The following MOK variants were observed in gnomAD, a reference collection of about 807,000 sequenced individuals.
The protein encoded by MOK is MAPK/MAK/MRK overlapping kinase.
A neutral mutation model predicts 54.2 loss-of-function variants in MOK; 59 were observed. That is an observed-to-expected ratio of 1.09 (90% CI 0.88 to 1.35). The LOEUF (loss-of-function observed/expected upper bound fraction) is 1.35, where lower values mean the gene tolerates loss of function less well. MOK is among the 40% of genes most tolerant of loss of function. The pLI is 0.00. For missense variants in MOK, 517 were observed against 526.2 expected, an observed-to-expected ratio of 0.98 and a Z score of 0.17; for synonymous variants, 210 against 202.7, an observed-to-expected ratio of 1.04 and a Z score of -0.31.
intron 7 of MOK, among the ~76,000 whole-genome samples, chr14:102,248,983 T>TGCCTAGTCCCCTCGAC (rs2066315890): frequency 6.6e-6 from 1 of 151,794 alleles, no homozygotes; most frequent in African/African-American, 2.4e-5. Flanking sequence ...CTCTCCATTC[T>TGCCTAGTCCCCTCGAC]GCCTAGTCCC....
At chr14:102,277,822 A>G (rs1417965061) in intron 2 of MOK, among the ~76,000 whole-genome samples, 1 of 152,210 alleles carries the variant, frequency 6.6e-6, no homozygotes. Flanking sequence ...CCATTTGCCA[A>G]AATTGTACAG....
chr14:102,223,590 A>G (rs2153074432), downstream of MOK: 1 of 151,096 alleles, frequency 6.6e-6, no homozygotes, highest in South Asian at 2.1e-4. Flanking sequence ...ATTGGGGAAA[A>G]TAGTTACTTC....
intron 5 of MOK, 35 bp downstream of exon 5, chr14:102,251,882 T>G: frequency 1.3e-6 from 2 of 1,547,868 alleles, no homozygotes; most frequent in South Asian, 2.3e-5. Context: ...ACACATTTTA[T>G]TAATTTCAGA....
At chr14:102,285,239 G>A (rs117113823) in intron 1 of MOK, among the ~76,000 whole-genome samples, 59 of 152,238 alleles carry the variant, frequency 3.9e-4, no homozygotes, top group Non-Finnish European at 7.5e-4. Flanking sequence ...CTTCACTTCA[G>A]GCCCCAAACC....
At chr14:102,227,118 C>G (rs2064282636), downstream of MOK, among the ~76,000 whole-genome samples, 1 of 152,176 alleles carries the variant, frequency 6.6e-6, no homozygotes, top group Middle Eastern at 3.2e-3. Flanking sequence ...CCGGCATCTG[C>G]AGACCACATT....
At chr14:102,281,824 G>A (rs747426059) in intron 2 of MOK, among the ~76,000 whole-genome samples, 4 of 152,278 alleles carry the variant, frequency 2.6e-5, no homozygotes, top group Middle Eastern at 3.4e-3. Context: ...TAAAGATGGA[G>A]TCGGGGAAAG....
At chr14:102,226,662 G>C (rs988012696), downstream of MOK, among the ~76,000 whole-genome samples, 1 of 152,202 alleles carries the variant, frequency 6.6e-6, no homozygotes, top group African/African-American at 2.4e-5. This position sits in a 1 kb window ranked among gnomAD's most constrained non-coding sequence, Gnocchi z 4.8. Flanking sequence ...GACGCCTCCT[G>C]CCAAGAGCAG....
chr14:102,233,666 A>T (rs1380226686), intron 8 of MOK, 22 bp downstream of exon 8: 2 of 1,597,666 alleles, frequency 1.3e-6, no homozygotes, highest in Admixed American at 3.3e-5. Context: ...GTCCACATCC[A>T]CTCTCAGAAC....
At chr14:102,293,701 C>CAAAAAAAAAAAAAAAAAAAAAA (rs10598736) in intron 1 of MOK, among the ~76,000 whole-genome samples, 17 of 54,608 alleles carry the variant, frequency 3.1e-4, no homozygotes, top group African/African-American at 3.4e-4. Flanking sequence ...AACTCCATCA[C>CAAAAAAAAAAAAAAAAAAAAAA]AAAAAAAAAA....
chr14:102,295,806 A>C (rs1418971600), intron 1 of MOK, among the ~76,000 whole-genome samples: 1 of 152,252 alleles, frequency 6.6e-6, no homozygotes, highest in Non-Finnish European at 1.5e-5. Context: ...TAACCCAGTA[A>C]GTCCACTGTT....
intron 4 of MOK, 53 bp from the exon 5 acceptor site, chr14:102,252,048 T>A: frequency 1.0e-6 from 1 of 987,562 alleles, no homozygotes; most frequent in Non-Finnish European, 1.6e-6. Flanking sequence ...CATATCCTCT[T>A]TTTTGAAATA....
chr14:102,236,301 C>A lies in MOK; in HGVS notation c.591-2512G>T, dbSNP rs1327901927. ...GTAACTCTGCGAGTAGCAGGTAAGC[C>A]GATCTCTTTTTAAATTGATAGCGGG... On this transcript the variant is annotated intron_variant, in intron 7 of 11. Coordinates refer to ENST00000361847, the MANE Select transcript of MOK (RefSeq NM_014226.3). The surrounding 1 kb of genome is among the most constrained non-coding windows in gnomAD (Gnocchi z 4.5). Among the ~76,000 whole-genome samples the A allele has an allele frequency of 1.3e-5, 2 of 152,206 alleles. No homozygotes were observed. Among genetic ancestry groups the A allele is most frequent in the Non-Finnish European group, 2.9e-5 (2 of 68,034 alleles).
chr14:102,232,559 T>C lies in MOK; in HGVS notation c.842A>G (p.Gln281Arg), dbSNP rs779981179. The change falls in exon 9 of 12, where the codon CAG (glutamine) becomes CGG (arginine). Residue 281 changes from glutamine to arginine, a missense_variant. Coordinates refer to ENST00000361847, the MANE Select transcript of MOK (RefSeq NM_014226.3). This position sits in a 1 kb window ranked among gnomAD's most constrained non-coding sequence, Gnocchi z 5.1. Reference sequence around the variant, plus strand: ...CCTCTGTTCTTGGAAGTAGGGGTGCTGCAGGGCCTGGTGGGCGGCGATTCT... The same window carrying C: ...CCTCTGTTCTTGGAAGTAGGGGTGCCGCAGGGCCTGGTGGGCGGCGATTCT... Reference protein sequence around the residue: ...DERIAAHQALQHPYFQEQRKT... With the variant: ...DERIAAHQALRHPYFQEQRKT... 6 of 1,613,930 alleles carry C rather than the reference T, an allele frequency of 3.7e-6. No individual in the cohort carries two copies. The highest frequency in any genetic ancestry group is 5.1e-6 in the Non-Finnish European group (6 of 1,179,902).
Position 102,287,836 on chromosome 14 carries a change from T to A in MOK, c.8-4244A>T, listed in dbSNP as rs1354705092. 4.0e-5 allele frequency among the ~76,000 whole-genome samples: 6 copies of A among 148,474 alleles called. No homozygotes were observed. The East Asian group carries it at 1.2e-3, about 29-fold the overall frequency. ...TTCTTTGAGATTTTTTTTTTTTTTTTTTTTTTTGAGACGGAGTCTTGCTCT... is the reference window on the plus strand; with the variant it reads ...TTCTTTGAGATTTTTTTTTTTTTTTATTTTTTTGAGACGGAGTCTTGCTCT... On this transcript the variant is annotated intron_variant, in intron 1 of 11. Transcript: ENST00000361847.
At chr14:102,283,358 A>G in intron 2 of MOK, 120 bp downstream of exon 2, 1 of 637,138 alleles carries the variant, frequency 1.6e-6, no homozygotes, top group South Asian at 2.4e-5. Context: ...CACTGCCCAA[A>G]GAAATCTGAT....
chr14:102,220,719 CAAAA>C (rs35097607), downstream of MOK, among the ~76,000 whole-genome samples: 11 of 111,698 alleles, frequency 9.8e-5, no homozygotes, highest in Non-Finnish European at 1.2e-4. This position sits in a 1 kb window ranked among gnomAD's most constrained non-coding sequence, Gnocchi z 4.2. Context: ...GACTCCGTCT[CAAAA>C]AAAAAAAAAA....
chr14:102,259,407 G>C (rs939676966), intron 4 of MOK, among the ~76,000 whole-genome samples: 13 of 152,098 alleles, frequency 8.5e-5, no homozygotes, highest in African/African-American at 3.1e-4. Flanking sequence ...AAGGCACTGA[G>C]CTGGGCCCAG....
rs752461866 is a variant in MOK, at chr14:102,232,532, T to A, written c.866+3A>T. 1 of 1,611,990 alleles carries A rather than the reference T, an allele frequency of 6.2e-7. No homozygotes were observed. The highest frequency in any genetic ancestry group is 1.1e-5 in the South Asian group (1 of 90,944). On this transcript the variant is annotated splice_donor_region_variant and intron_variant, in intron 9 of 11. Coordinates refer to ENST00000361847, the MANE Select transcript of MOK (RefSeq NM_014226.3). This position sits in a 1 kb window ranked among gnomAD's most constrained non-coding sequence, Gnocchi z 5.1. ...GCCCCACCGAACCCACGAGAGTGCCTACCTCTGTTCTTGGAAGTAGGGGTG... is the reference window on the plus strand; with the variant it reads ...GCCCCACCGAACCCACGAGAGTGCCAACCTCTGTTCTTGGAAGTAGGGGTG...
At chr14:102,290,161 T>C (rs8004474) in intron 1 of MOK, among the ~76,000 whole-genome samples, 47,886 of 145,422 alleles carry the variant, frequency 0.33, 10,461 homozygotes, top group African/African-American at 0.63. Flanking sequence ...AAAAAAAGAC[T>C]AGGTATGGTG....
Sources: gnomAD v4.1 joint callset for allele counts (sites outside exome capture counted in the v4.1 genomes callset) on GRCh38, gnomAD v4.1.1 for gene constraint, Gnocchi (gnomAD v3.1) non-coding constraint, MANE v1.5 for transcripts, NCBI Gene and HGNC (gene_info 2026-07-23, HGNC 2026-07-21) for gene names.